TANGO2: variants seen among roughly 807,000 people sequenced by gnomAD.
The protein encoded by TANGO2 is transport and golgi organization 2 homolog.
TANGO2 carries 26 observed loss-of-function variants against 39.1 expected under a neutral mutation model. The observed-to-expected ratio is 0.67, with a 90% CI of 0.49 to 0.92. The LOEUF (loss-of-function observed/expected upper bound fraction) is 0.92. Among genes scored for constraint, TANGO2 ranks in the 40% least tolerant of loss-of-function variants. TANGO2 has a pLI of 0.00. For synonymous variants in TANGO2, 131 were observed against 144.5 expected, an observed-to-expected ratio of 0.91 and a Z score of 0.67; for missense variants, 326 against 360.1, an observed-to-expected ratio of 0.91 and a Z score of 0.77.
chr22:20,033,238 G>T (rs185164582), intron 1 of TANGO2: 235 of 527,990 alleles, frequency 4.5e-4, no homozygotes, highest in Non-Finnish European at 8.1e-4. Context: ...CGTCTTCGTC[G>T]AGGCCACAGC....
chr22:20,044,539 A>T (rs1325468949), intron 3 of TANGO2, among the ~76,000 whole-genome samples: 1 of 152,054 alleles, frequency 6.6e-6, no homozygotes, highest in South Asian at 2.1e-4. Flanking sequence ...CAATCAGTCA[A>T]TCAATCAATC....
chr22:20,030,386 G>A (rs2041625284), intron 1 of TANGO2, among the ~76,000 whole-genome samples: 1 of 151,836 alleles, frequency 6.6e-6, no homozygotes, highest in Non-Finnish European at 1.5e-5. Flanking sequence ...TTGCTCTGTT[G>A]CCCAGGCTGG....
intron 1 of TANGO2, among the ~76,000 whole-genome samples, chr22:20,031,072 C>T (rs192065039): frequency 5.3e-5 from 8 of 152,224 alleles, no homozygotes; most frequent in Non-Finnish European, 1.2e-4. Context: ...ATGGCACGCA[C>T]CTCTAGTCCC....
At chr22:20,025,433 C>T (rs193107127) in intron 1 of TANGO2, among the ~76,000 whole-genome samples, 1 of 152,040 alleles carries the variant, frequency 6.6e-6, no homozygotes, top group East Asian at 2.0e-4. Context: ...TGTTCCCCGC[C>T]GGGAAGCATG....
upstream of TANGO2, among the ~76,000 whole-genome samples, chr22:20,019,974 G>A (rs957935402): frequency 2.0e-5 from 3 of 152,232 alleles, no homozygotes; most frequent in South Asian, 2.1e-4. Context: ...AGCACAACGG[G>A]CCCGCATGTA....
At chr22:20,032,329 A>G (rs2042025564) in intron 1 of TANGO2, among the ~76,000 whole-genome samples, 1 of 152,274 alleles carries the variant, frequency 6.6e-6, no homozygotes, top group Admixed American at 6.5e-5. Flanking sequence ...GGTTGTGTGC[A>G]GGCTGCCCTG....
At chr22:20,028,931 G>T (rs1490264936) in intron 1 of TANGO2, among the ~76,000 whole-genome samples, 5 of 152,202 alleles carry the variant, frequency 3.3e-5, no homozygotes, top group Admixed American at 6.5e-5. Context: ...TGAGAGCCAG[G>T]GAAGCAGATC....
rs2049154798 is a variant in TANGO2, at chr22:20,066,008, C to G, written c.*1346C>G. The G allele has an allele frequency of 6.6e-6, 1 of 152,470 alleles. No homozygotes were observed. The highest frequency in any genetic ancestry group is 2.4e-5 in the African/African-American group (1 of 41,450). 9.4% of individuals were successfully genotyped at this position (152,470 alleles called of 1,614,324 possible). On this transcript the variant is annotated 3_prime_UTR_variant, in exon 9 of 9. Transcript: ENST00000327374. ...GCAGCCAGACACCCTGGACGAGGCCCTTCCCACCTCCCCCTTTCCTCACGG... is the reference window on the plus strand; with the variant it reads ...GCAGCCAGACACCCTGGACGAGGCCGTTCCCACCTCCCCCTTTCCTCACGG...
At chr22:20,061,976 G>A (rs1020606083) in intron 7 of TANGO2, among the ~76,000 whole-genome samples, 1 of 152,218 alleles carries the variant, frequency 6.6e-6, no homozygotes, top group Non-Finnish European at 1.5e-5. Context: ...GCAGATGGAT[G>A]CTCCCCTCTG....
intron 3 of TANGO2, among the ~76,000 whole-genome samples, chr22:20,045,365 G>A (rs879868163): frequency 6.6e-6 from 1 of 151,978 alleles, no homozygotes; most frequent in African/African-American, 2.4e-5. Context: ...CCTGAGCCTG[G>A]AAGGTAGAAG....
intron 1 of TANGO2, among the ~76,000 whole-genome samples, chr22:20,023,651 G>A (rs946671258): frequency 6.0e-5 from 9 of 150,198 alleles, no homozygotes; most frequent in Admixed American, 2.0e-4. Flanking sequence ...CCAGGAGATC[G>A]AGACCATCCT....
intron 6 of TANGO2, among the ~76,000 whole-genome samples, chr22:20,060,088 G>C (rs935892208): frequency 2.6e-5 from 4 of 151,814 alleles, no homozygotes; most frequent in African/African-American, 9.7e-5. Context: ...GGTGGCTCAC[G>C]CCTGTAATCC....
intron 2 of TANGO2, among the ~76,000 whole-genome samples, chr22:20,042,617 T>A (rs1233505926): frequency 6.6e-6 from 1 of 151,866 alleles, no homozygotes; most frequent in Admixed American, 6.6e-5. Context: ...TACAAAAAAT[T>A]AGCTGGGTGT....
At chr22:20,062,164 C>T (rs2048501967) in intron 7 of TANGO2, among the ~76,000 whole-genome samples, 1 of 152,194 alleles carries the variant, frequency 6.6e-6, no homozygotes, top group South Asian at 2.1e-4. Flanking sequence ...CTTGCAGTTC[C>T]GGGAACTGCC....
At chr22:20,041,886 A>G (rs1042469838) in intron 2 of TANGO2, among the ~76,000 whole-genome samples, 3 of 146,860 alleles carry the variant, frequency 2.0e-5, no homozygotes, top group Non-Finnish European at 3.0e-5. Flanking sequence ...TCACCACTGC[A>G]ACTTGGTTTC....
chr22:20,043,171 C>T (rs2044303167), intron 2 of TANGO2, among the ~76,000 whole-genome samples, 184 bp from the exon 3 acceptor site: 1 of 152,196 alleles, frequency 6.6e-6, no homozygotes, highest in Non-Finnish European at 1.5e-5. Flanking sequence ...CTGCAGGCTC[C>T]CGAGAGCTCA....
At position 20,045,731 on chromosome 22, in the gene TANGO2, G is replaced by A. The variant is rs370479280; in HGVS notation, c.145+2288G>A. On this transcript the variant is annotated intron_variant, in intron 3 of 8. Coordinates refer to ENST00000327374, the MANE Select transcript of TANGO2 (RefSeq NM_152906.7). Reference sequence around the variant, plus strand: ...TTGGTCAGGCTGGCCTTGAACTCCCGACCTCAGGTGATCCGCCCGCCTTGT... The same window carrying A: ...TTGGTCAGGCTGGCCTTGAACTCCCAACCTCAGGTGATCCGCCCGCCTTGT... 5.3e-5 allele frequency among the ~76,000 whole-genome samples: 8 copies of A among 151,972 alleles called. No homozygotes were observed. In the East Asian group the frequency reaches 7.7e-4, roughly 15 times the overall value.
upstream of TANGO2, among the ~76,000 whole-genome samples, chr22:20,018,958 G>A (rs755111570): frequency 3.3e-5 from 5 of 152,136 alleles, no homozygotes; most frequent in African/African-American, 7.2e-5. Context: ...GGTGGTAGAC[G>A]CCCATAGTCC....
chr22:20,064,323 C>T (rs1292224560), intron 8 of TANGO2, among the ~76,000 whole-genome samples: 3 of 152,220 alleles, frequency 2.0e-5, no homozygotes, highest in South Asian at 2.1e-4. Flanking sequence ...TGGCAGGACT[C>T]AGCAAGTGTG....
Sources: gnomAD v4.1 joint callset for allele counts (sites outside exome capture counted in the v4.1 genomes callset) on GRCh38, gnomAD v4.1.1 for gene constraint, MANE v1.5 for transcripts, NCBI Gene and HGNC (gene_info 2026-07-23, HGNC 2026-07-21) for gene names.